RGS7: variants seen among roughly 807,000 people sequenced by gnomAD.
RGS7 encodes regulator of G protein signaling 7, also known as regulator of G-protein signaling 7.
RGS7 carries 27 observed loss-of-function variants against 81.1 expected under a neutral mutation model. That is an observed-to-expected ratio of 0.33 (90% CI 0.25 to 0.46). RGS7 has a LOEUF of 0.46. Among genes scored for constraint, RGS7 ranks in the 20% least tolerant of loss-of-function variants. The pLI is 1.00. For missense variants in RGS7, 396 were observed against 607.4 expected (o/e 0.65, Z 3.66); for synonymous variants, 208 against 207.7 (o/e 1.00, Z -0.01).
chr1:241,156,335 T>C (rs911636031), intron 2 of RGS7, among the ~76,000 whole-genome samples: 2 of 151,314 alleles, frequency 1.3e-5, no homozygotes, highest in South Asian at 4.2e-4. Context: ...TCTGTCTCTA[T>C]GAAACACAAA....
At chr1:240,966,299 GA>G (rs534340281) in intron 4 of RGS7, among the ~76,000 whole-genome samples, 22 of 150,666 alleles carry the variant, frequency 1.5e-4, no homozygotes, top group South Asian at 2.1e-4. Flanking sequence ...AAAAACTTAG[GA>G]AAAAAAAATC....
chr1:240,869,227 C>T (rs1423722390), intron 7 of RGS7, among the ~76,000 whole-genome samples: 1 of 152,200 alleles, frequency 6.6e-6, no homozygotes, highest in Admixed American at 6.5e-5. Flanking sequence ...TCCTACTACG[C>T]ATGCAATCAG....
intron 2 of RGS7, among the ~76,000 whole-genome samples, chr1:241,136,311 A>T (rs1003900506): frequency 1.3e-5 from 2 of 152,230 alleles, no homozygotes; most frequent in African/African-American, 4.8e-5. Flanking sequence ...AGAGATTCTG[A>T]CTGAGTCTTT....
intron 2 of RGS7, among the ~76,000 whole-genome samples, chr1:241,298,979 C>T (rs1389089030): frequency 2.0e-5 from 3 of 152,180 alleles, no homozygotes; most frequent in Admixed American, 2.0e-4. Flanking sequence ...TGTCTGGAAA[C>T]ACATGTGCCG....
chr1:241,094,188 G>A (rs1401242773), intron 3 of RGS7, among the ~76,000 whole-genome samples: 2 of 151,262 alleles, frequency 1.3e-5, no homozygotes. Context: ...CTCTGCACAG[G>A]GGCATTACCC....
At chr1:240,961,306 T>C (rs932288900) in intron 4 of RGS7, among the ~76,000 whole-genome samples, 1 of 96,184 alleles carries the variant, frequency 1.0e-5, no homozygotes, top group African/African-American at 3.9e-5. Context: ...TTACTTCCTT[T>C]TTTAATCTCC....
chr1:240,973,380 G>A (rs552493436), intron 4 of RGS7, among the ~76,000 whole-genome samples: 20 of 151,712 alleles, frequency 1.3e-4, no homozygotes, highest in South Asian at 2.1e-4. Context: ...TTAGCGGGGC[G>A]TGGTGGCTAA....
intron 14 of RGS7, among the ~76,000 whole-genome samples, chr1:240,806,708 CAA>C (rs1035735419): frequency 2.0e-5 from 3 of 152,008 alleles, no homozygotes; most frequent in Admixed American, 1.3e-4. Context: ...TGATTGAAAA[CAA>C]AGAGGAGTTT....
chr1:241,128,306 A>C (rs181855079), intron 2 of RGS7, among the ~76,000 whole-genome samples: 52 of 139,798 alleles, frequency 3.7e-4, no homozygotes, highest in African/African-American at 1.3e-3. Flanking sequence ...AAAAATGGCC[A>C]GGTGCGGTGG....
intron 2 of RGS7, among the ~76,000 whole-genome samples, chr1:241,288,116 A>G (rs1200461881): frequency 6.6e-6 from 1 of 152,236 alleles, no homozygotes; most frequent in Non-Finnish European, 1.5e-5. Flanking sequence ...CTTACGACAA[A>G]TAGTGAGAAT....
rs142003069 is a variant in RGS7 at position 240,993,464 on chromosome 1, T to C, written c.176-10335A>G. 3.2e-4 allele frequency among the ~76,000 whole-genome samples: 49 copies of C among 152,336 alleles called. 1 individual carries two copies. In the East Asian group the frequency reaches 8.7e-3, roughly 27 times the overall value. ...TCATTTGTGTCTGCCTGGTGGCTAA[T>C]GGTATTGAACATGTTTTCATATGCT... is the stretch of plus-strand genomic sequence containing the variant. On this transcript the variant is annotated intron_variant, in intron 3 of 18. Coordinates refer to ENST00000440928, the MANE Select transcript of RGS7 (RefSeq NM_001364886.1).
rs537562982 is a variant in RGS7, at chr1:240,949,231, T to A, written c.227-12525A>T. 2.0e-5 allele frequency among the ~76,000 whole-genome samples: 3 copies of A among 152,336 alleles called. No individual in the cohort carries two copies. The South Asian group carries it at 6.2e-4, about 32-fold the overall frequency. ...AATTTTGATTTGTTTCCTAGGCTTA[T>A]CTTATGTAATTAATTAATAAAAATG... On this transcript the variant is annotated intron_variant, in intron 4 of 18. Transcript: ENST00000440928.
rs769840747 is a variant in RGS7, at chr1:241,002,173, G to A, written c.176-19044C>T. ...ATAGTCTTAAAAAAATAGGCCCGGC[G>A]GGATGGCTCATGCTGGTAATCCCAG... On this transcript the variant is annotated intron_variant, in intron 3 of 18. Transcript: ENST00000440928. Among the ~76,000 whole-genome samples the A allele has an allele frequency of 4.6e-5, 7 of 152,104 alleles. No homozygotes were observed. The South Asian group carries it at 1.2e-3, about 27-fold the overall frequency.
chr1:240,917,373 A>G (rs945592455), intron 6 of RGS7, among the ~76,000 whole-genome samples: 8 of 152,198 alleles, frequency 5.3e-5, no homozygotes, highest in African/African-American at 1.4e-4. Context: ...AAGTTTCTTA[A>G]TTGATCTGAT....
At chr1:241,205,386 G>A (rs1269914918) in intron 2 of RGS7, among the ~76,000 whole-genome samples, 2 of 150,812 alleles carry the variant, frequency 1.3e-5, no homozygotes, top group Non-Finnish European at 1.5e-5. Context: ...GACTGCATTT[G>A]TCATCATTTT....
chr1:241,041,430 T>C (rs2060610311), intron 3 of RGS7, among the ~76,000 whole-genome samples: 2 of 152,324 alleles, frequency 1.3e-5, no homozygotes, highest in South Asian at 4.1e-4. Context: ...TCTGTACTTA[T>C]GGCCCTGGGC....
chr1:240,805,153 T>C (rs972486689), intron 15 of RGS7, among the ~76,000 whole-genome samples: 1 of 151,902 alleles, frequency 6.6e-6, no homozygotes, highest in East Asian at 1.9e-4. Context: ...GGTGGGAGGA[T>C]TGCTTGAGCC....
chr1:241,234,867 G>C (rs1426732951), intron 2 of RGS7, among the ~76,000 whole-genome samples: 1 of 151,166 alleles, frequency 6.6e-6, no homozygotes. Flanking sequence ...AAAAAAAAAA[G>C]GAAAAAAAGC....
chr1:241,318,183 G>C (rs2080997319), intron 2 of RGS7, among the ~76,000 whole-genome samples: 2 of 152,210 alleles, frequency 1.3e-5, no homozygotes, highest in Non-Finnish European at 2.9e-5. Flanking sequence ...ATAGACAAAA[G>C]ATTAAAATTG....
Sources: gnomAD v4.1 joint callset for allele counts (sites outside exome capture counted in the v4.1 genomes callset) on GRCh38, gnomAD v4.1.1 for gene constraint, MANE v1.5 for transcripts, NCBI Gene and HGNC (gene_info 2026-07-23, HGNC 2026-07-21) for gene names.